MCTP1: variants seen among roughly 807,000 people sequenced by gnomAD.
MCTP1 encodes multiple C2 and transmembrane domain containing 1.
In MCTP1, 69 loss-of-function variants were observed where a neutral mutation model predicts 120.6. The observed-to-expected ratio is 0.57, with a 90% CI of 0.47 to 0.70. The LOEUF (loss-of-function observed/expected upper bound fraction) is 0.70. MCTP1 is among the 30% of genes least tolerant of loss of function. The pLI is 0.00. For missense variants in MCTP1, 1,203 were observed against 1,248.8 expected, an observed-to-expected ratio of 0.96 and a Z score of 0.55; for synonymous variants, 529 against 493.1, an observed-to-expected ratio of 1.07 and a Z score of -0.96.
chr5:95,162,451 A>G (rs989715986), intron 1 of MCTP1, among the ~76,000 whole-genome samples: 2 of 152,194 alleles, frequency 1.3e-5, no homozygotes, highest in Non-Finnish European at 2.9e-5. Context: ...AAGTCATGTA[A>G]CTTCCTCTTT....
chr5:94,773,497 A>C (rs953401997), intron 19 of MCTP1, among the ~76,000 whole-genome samples: 6 of 152,158 alleles, frequency 3.9e-5, no homozygotes, highest in Non-Finnish European at 8.8e-5. Context: ...CTTCCAATAG[A>C]TATATCATGA....
chr5:94,761,384 CAAGATAA>C, intron 19 of MCTP1, among the ~76,000 whole-genome samples: 1 of 152,264 alleles, frequency 6.6e-6, no homozygotes, highest in South Asian at 2.1e-4. Context: ...TATCTACAAG[CAAGATAA>C]AAGAGTAATT....
intron 12 of MCTP1, among the ~76,000 whole-genome samples, chr5:94,881,545 T>C (rs1243219309): frequency 6.6e-6 from 1 of 152,090 alleles, no homozygotes; most frequent in African/African-American, 2.4e-5. Context: ...TACAAATATG[T>C]CGGTGGCTTT....
At chr5:95,142,968 G>A (rs1760066353) in intron 1 of MCTP1, among the ~76,000 whole-genome samples, 1 of 152,120 alleles carries the variant, frequency 6.6e-6, no homozygotes, top group Non-Finnish European at 1.5e-5. Flanking sequence ...AAACACCACT[G>A]TGCAAATAAA....
At chr5:95,196,659 G>A (rs1482471720) in intron 1 of MCTP1, among the ~76,000 whole-genome samples, 3 of 152,224 alleles carry the variant, frequency 2.0e-5, no homozygotes, top group Admixed American at 6.5e-5. Context: ...AGTATGAACA[G>A]TGAGGGTCAG....
intron 19 of MCTP1, among the ~76,000 whole-genome samples, chr5:94,729,169 T>G (rs950842905): frequency 3.3e-5 from 5 of 152,180 alleles, no homozygotes; most frequent in African/African-American, 4.8e-5. Context: ...CTCTAAGTAT[T>G]TCAAACAAAG....
chr5:95,067,438 C>T (rs1750961292), intron 1 of MCTP1, among the ~76,000 whole-genome samples: 1 of 151,860 alleles, frequency 6.6e-6, no homozygotes, highest in Non-Finnish European at 1.5e-5. Context: ...TAAAATACAA[C>T]ATGAAAATAA....
intron 1 of MCTP1, among the ~76,000 whole-genome samples, chr5:95,155,256 G>T (rs1038784730): frequency 6.6e-6 from 1 of 152,038 alleles, no homozygotes; most frequent in Non-Finnish European, 1.5e-5. Context: ...AAAATTACAG[G>T]CATATAGTAG....
chr5:94,738,629 A>G (rs1429458370), intron 19 of MCTP1, among the ~76,000 whole-genome samples: 1 of 152,166 alleles, frequency 6.6e-6, no homozygotes, highest in Non-Finnish European at 1.5e-5. Flanking sequence ...ACTACAGTTG[A>G]TTCATCTCTC....
intron 1 of MCTP1, among the ~76,000 whole-genome samples, chr5:95,134,215 T>A (rs1046092334): frequency 6.6e-6 from 1 of 152,234 alleles, no homozygotes; most frequent in Non-Finnish European, 1.5e-5. Context: ...CAGTGTAGTA[T>A]GTTTATGATT....
Position 95,177,520 on chromosome 5 carries a change from C to G in MCTP1, c.720+106336G>C, listed in dbSNP as rs577705451. Among the ~76,000 whole-genome samples, 8 of 152,108 alleles carry G rather than the reference C, an allele frequency of 5.3e-5. No homozygotes were observed. In the East Asian group the frequency reaches 1.5e-3, roughly 29 times the overall value. ...TCTGGAGCATTAAAAAAACATTAAGCATTAAGAGTAGTATCTTAAAAGCTC... is the reference window on the plus strand; with the variant it reads ...TCTGGAGCATTAAAAAAACATTAAGGATTAAGAGTAGTATCTTAAAAGCTC... On this transcript the variant is annotated intron_variant, in intron 1 of 22. Transcript: ENST00000515393.
At chr5:94,955,718 T>G (rs1822429363) in intron 2 of MCTP1, among the ~76,000 whole-genome samples, 1 of 152,108 alleles carries the variant, frequency 6.6e-6, no homozygotes. Flanking sequence ...CTCTCTACAT[T>G]CCTCCTCTCT....
rs1464383694 is a variant in MCTP1 at position 94,909,253 on chromosome 5, G to C, written c.1650C>G (p.Gly550=). ...CAAAAATTACAAATTGCACAAACCT[G>C]CCAATGAAATCATCCCTTTTCCCAG... The part of the protein sequence containing the change: ...KDAGKRDDFI[G]RCQVDLSALS... Residue 550 remains glycine (G), a splice_region_variant and synonymous_variant, in exon 10 of 23, where the codon GGC becomes GGG. Transcript: ENST00000515393. 2 of 1,611,730 alleles carry C rather than the reference G, an allele frequency of 1.2e-6. No individual in the cohort carries two copies. The highest frequency in any genetic ancestry group is 1.7e-5 in the Admixed American group (1 of 59,714).
chr5:95,028,835 T>C (rs983800030), intron 1 of MCTP1, among the ~76,000 whole-genome samples: 2 of 152,168 alleles, frequency 1.3e-5, no homozygotes, highest in African/African-American at 4.8e-5. Context: ...AAATAGGTAA[T>C]AGATATCTCA....
intron 18 of MCTP1, among the ~76,000 whole-genome samples, chr5:94,797,758 C>T (rs1349685900): frequency 6.6e-6 from 1 of 151,948 alleles, no homozygotes; most frequent in African/African-American, 2.4e-5. Context: ...GAGTTCCTTC[C>T]CTCACATTTA....
At chr5:95,072,740 ATTTTTT>A (rs11421165) in intron 1 of MCTP1, among the ~76,000 whole-genome samples, 1 of 95,284 alleles carries the variant, frequency 1.0e-5, no homozygotes, top group Admixed American at 1.5e-4. Flanking sequence ...CTTAGCAACT[ATTTTTT>A]TTTTTTTTTT....
intron 11 of MCTP1, among the ~76,000 whole-genome samples, chr5:94,889,354 T>C (rs1057212186): frequency 6.6e-6 from 1 of 152,056 alleles, no homozygotes; most frequent in Non-Finnish European, 1.5e-5. Context: ...TTTGGGAAGC[T>C]GAGGTGGGTG....
Position 95,017,486 on chromosome 5 carries a change from T to A in MCTP1, c.721-2A>T. The A allele has an allele frequency of 6.4e-7, 1 of 1,567,162 alleles. No homozygotes were observed. Among genetic ancestry groups the A allele is most frequent in the Non-Finnish European group, 8.7e-7 (1 of 1,148,894 alleles). ...GGTTCCAGCAGTGTTTATTATTTTC[T>A]GGAAAACACGAAATATAAAAAATAT... On this transcript the variant is annotated splice_acceptor_variant, in intron 1 of 22. Transcript: ENST00000515393. LOFTEE classifies it high-confidence loss of function.
intron 2 of MCTP1, among the ~76,000 whole-genome samples, chr5:94,984,128 A>T (rs1264207387): frequency 1.3e-5 from 2 of 152,196 alleles, no homozygotes; most frequent in Admixed American, 6.5e-5. Context: ...GCAATCTTCT[A>T]AATATTTGAA....
Sources: allele counts gnomAD v4.1 joint callset (sites outside exome capture counted in the v4.1 genomes callset), GRCh38; gene constraint gnomAD v4.1.1; transcripts MANE v1.5; gene names NCBI Gene and HGNC (gene_info 2026-07-23, HGNC 2026-07-21).